DTNA: variants seen among roughly 807,000 people sequenced by gnomAD.
The protein encoded by DTNA is dystrobrevin alpha, also known as dystrophin-related protein 3.
Under a neutral mutation model 100.7 loss-of-function variants are expected in DTNA, and 43 were observed. That is an observed-to-expected ratio of 0.43 (90% CI 0.33 to 0.55). DTNA has a LOEUF of 0.55. Among genes scored for constraint, DTNA ranks in the 20% least tolerant of loss-of-function variants. DTNA has a pLI of 0.04. For missense variants in DTNA, 798 were observed against 953.9 expected (o/e 0.84, Z 2.15); for synonymous variants, 349 against 347.9 (o/e 1.00, Z -0.04).
intron 1 of DTNA, among the ~76,000 whole-genome samples, 161 bp from the exon 2 acceptor site, chr18:34,755,815 T>C (rs1448168107): frequency 6.6e-6 from 1 of 152,180 alleles, no homozygotes; most frequent in East Asian, 1.9e-4. Context: ...TGCGCAGCAA[T>C]TTAGGTTAGT....
chr18:34,853,463 G>T (rs2096509578), intron 15 of DTNA, among the ~76,000 whole-genome samples: 1 of 152,086 alleles, frequency 6.6e-6, no homozygotes, highest in Non-Finnish European at 1.5e-5. Flanking sequence ...ACTCTGGTTG[G>T]CACTTTTTCA....
Position 34,889,381 on chromosome 18 carries a change from T to C in DTNA, c.*1647T>C, listed in dbSNP as rs1206265366. 3.0e-6 allele frequency: 3 copies of C among 984,936 alleles called. No individual in the cohort carries two copies. The African/African-American group carries it at 5.2e-5, about 17-fold the overall frequency. 61.0% of individuals were successfully genotyped at this position (984,936 alleles called of 1,614,324 possible). A position where few individuals can be genotyped will look rare whatever the true frequency, so the allele number is the denominator to read the frequency against. ...TCCAGAAGTCTGTTTTAGTCAACCC[T>C]CTAGGTGATTCTGATGCTCGCTAAA... On this transcript the variant is annotated 3_prime_UTR_variant, in exon 23 of 23. Coordinates refer to ENST00000444659, the MANE Select transcript of DTNA (RefSeq NM_001386795.1).
intron 1 of DTNA, among the ~76,000 whole-genome samples, chr18:34,495,816 G>A (rs755356735): frequency 2.6e-5 from 4 of 151,968 alleles, no homozygotes; most frequent in Non-Finnish European, 5.9e-5. Flanking sequence ...GTGATGTGAA[G>A]AAAGGTCTCA....
intron 11 of DTNA, 21 bp from the exon 12 acceptor site, chr18:34,838,073 C>G (rs368417978): frequency 6.2e-7 from 1 of 1,612,608 alleles, no homozygotes. Context: ...CTCTTCTTGG[C>G]TTTCCCATCT....
intron 2 of DTNA, among the ~76,000 whole-genome samples, chr18:34,759,136 G>A (rs1032184762): frequency 6.6e-6 from 1 of 152,018 alleles, no homozygotes. Flanking sequence ...TTATCAGTTT[G>A]CTTAGTACCT....
chr18:34,504,960 A>G lies in DTNA; in HGVS notation c.-2+11446A>G, dbSNP rs541943250. On this transcript the variant is annotated intron_variant, in intron 1 of 19. Coordinates refer to the DTNA transcript ENST00000283365. ...TTCCTTTCCTTCAGGTCTCCAAGAC[A>G]TGAATTTTAGACCTTTTGTTATTGT... Among the ~76,000 whole-genome samples the G allele has an allele frequency of 1.1e-4, 17 of 152,248 alleles. No homozygotes were observed. In the East Asian group the frequency reaches 1.7e-3, roughly 16 times the overall value.
At chr18:34,767,966 A>C (rs540540749) in intron 3 of DTNA, among the ~76,000 whole-genome samples, 2 of 152,354 alleles carry the variant, frequency 1.3e-5, no homozygotes, top group East Asian at 3.9e-4. Context: ...CTGTATTTGT[A>C]GTCCTAATGA....
intron 1 of DTNA, among the ~76,000 whole-genome samples, chr18:34,629,886 A>G (rs575810316): frequency 6.6e-6 from 1 of 152,138 alleles, no homozygotes; most frequent in Non-Finnish European, 1.5e-5. Flanking sequence ...CCTGGGCTTG[A>G]TACATGCCTG....
intron 2 of DTNA, among the ~76,000 whole-genome samples, chr18:34,759,482 C>T (rs567267458): frequency 6.6e-6 from 1 of 152,118 alleles, no homozygotes; most frequent in African/African-American, 2.4e-5. Context: ...GTTTAAAAGC[C>T]GATTGGGCAC....
chr18:34,581,563 TTAGAACACTG>T (rs2048636806), intron 1 of DTNA, among the ~76,000 whole-genome samples: 1 of 151,946 alleles, frequency 6.6e-6, no homozygotes, highest in South Asian at 2.1e-4. Context: ...ACAGTTACTT[TTAGAACACTG>T]CACTGTAAAT....
At chr18:34,870,513 A>G (rs1568860837) in intron 17 of DTNA, among the ~76,000 whole-genome samples, 2 of 152,200 alleles carry the variant, frequency 1.3e-5, no homozygotes, top group Non-Finnish European at 2.9e-5. Flanking sequence ...GTTCAAAAAC[A>G]TACCCTCCCA....
intron 10 of DTNA, chr18:34,829,125 T>C: frequency 1.2e-6 from 2 of 1,614,062 alleles, no homozygotes; most frequent in Non-Finnish European, 1.7e-6. Context: ...CTTTGAGCTG[T>C]TCTGGTTCCT....
At chr18:34,657,690 C>T (rs1013128818) in intron 1 of DTNA, among the ~76,000 whole-genome samples, 1 of 152,150 alleles carries the variant, frequency 6.6e-6, no homozygotes, top group Non-Finnish European at 1.5e-5. Flanking sequence ...TTTAGGGGAA[C>T]ACCATGAGCC....
chr18:34,506,531 C>T (rs1055521576), intron 1 of DTNA, among the ~76,000 whole-genome samples: 6 of 152,190 alleles, frequency 3.9e-5, no homozygotes, highest in Admixed American at 2.0e-4. Context: ...ACAATTATTT[C>T]TTTCTTCTGT....
intron 1 of DTNA, among the ~76,000 whole-genome samples, chr18:34,717,335 T>C (rs971918572): frequency 9.2e-5 from 14 of 152,228 alleles, no homozygotes; most frequent in African/African-American, 3.4e-4. Context: ...AAATAGGGTC[T>C]TTTATTTAAT....
intron 1 of DTNA, among the ~76,000 whole-genome samples, chr18:34,722,896 AT>A (rs2085686968): frequency 6.6e-6 from 1 of 152,142 alleles, no homozygotes; most frequent in Admixed American, 6.5e-5. Context: ...CAATGTGTTC[AT>A]CTTTCTTACT....
intron 1 of DTNA, among the ~76,000 whole-genome samples, chr18:34,639,169 C>G (rs1308544650): frequency 6.6e-6 from 1 of 152,174 alleles, no homozygotes; most frequent in Non-Finnish European, 1.5e-5. Flanking sequence ...ACTACTGATA[C>G]ACCTTAGACC....
chr18:34,806,465 G>A (rs571172754), intron 5 of DTNA, among the ~76,000 whole-genome samples, 161 bp downstream of exon 5: 188 of 152,178 alleles, frequency 1.2e-3, no homozygotes, highest in African/African-American at 4.2e-3. Flanking sequence ...TTGTCATAGC[G>A]ATATTTTCAT....
chr18:34,781,569 A>G (rs2094324460), intron 3 of DTNA, among the ~76,000 whole-genome samples: 2 of 152,214 alleles, frequency 1.3e-5, no homozygotes, highest in South Asian at 2.1e-4. Flanking sequence ...ACCTCACTCA[A>G]GATACCTATA....
Sources: allele counts gnomAD v4.1 joint callset (sites outside exome capture counted in the v4.1 genomes callset), GRCh38; gene constraint gnomAD v4.1.1; transcripts MANE v1.5; gene names NCBI Gene and HGNC (gene_info 2026-07-23, HGNC 2026-07-21).